Variants in HEXIM2 observed in about 807,000 individuals in gnomAD.
HEXIM2 encodes the protein protein HEXIM2.
For missense variants in HEXIM2, 413 were observed against 390.8 expected, an observed-to-expected ratio of 1.06 and a Z score of -0.48; for synonymous variants, 159 against 162.7, an observed-to-expected ratio of 0.98 and a Z score of 0.17.
At chr17:45,160,736 C>G, upstream of HEXIM2, 1 of 409,668 alleles carries the variant, frequency 2.4e-6, no homozygotes, top group South Asian at 1.8e-5. Flanking sequence ...TGGCGACATG[C>G]TAGGTCAGGT....
In HEXIM2 at chr17:45,169,345, G is replaced by A. The variant is rs957909206; in HGVS notation, c.397G>A (p.Ala133Thr). Residue 133 changes from alanine (A) to threonine (T), a missense_variant, in exon 4 of 4, where the codon GCC becomes ACC. By Grantham distance (58) the Ala-to-Thr change is moderately conservative. Transcript: ENST00000589230. ...RASRVREEMF[A>T]KGQPVAPYNT... Reference sequence around the variant, plus strand: ...CTCCCGGGTCCGCGAAGAGATGTTCGCCAAAGGCCAGCCCGTGGCCCCCTA... The same window carrying A: ...CTCCCGGGTCCGCGAAGAGATGTTCACCAAAGGCCAGCCCGTGGCCCCCTA... The A allele has an allele frequency of 1.2e-6, 2 of 1,613,724 alleles. No individual in the cohort carries two copies.
chr17:45,162,304 G>T (rs1489720234), intron 1 of HEXIM2, among the ~76,000 whole-genome samples, 184 bp from the exon 2 acceptor site: 1 of 152,220 alleles, frequency 6.6e-6, no homozygotes, highest in African/African-American at 2.4e-5. Context: ...GCTGCATCAA[G>T]ATTGGGGCCA....
At chr17:45,165,952 A>G (rs2042832522) in intron 3 of HEXIM2, among the ~76,000 whole-genome samples, 3 of 149,794 alleles carry the variant, frequency 2.0e-5, no homozygotes. Flanking sequence ...GTGCCACCAC[A>G]CCCGGCCAAT....
In HEXIM2 at chr17:45,169,533, GACTTACGAACGCTTCCAC is replaced by G. The variant is rs751729781; in HGVS notation, c.588_605del (p.Tyr197_Thr202del). 2.5e-6 allele frequency: 4 copies of G among 1,587,424 alleles called. No individual in the cohort carries two copies. Among genetic ancestry groups the G allele is most frequent in the Non-Finnish European group, 3.4e-6 (4 of 1,167,416 alleles). On this transcript the variant is annotated inframe_deletion, in exon 4 of 4. Coordinates refer to ENST00000589230, the MANE Select transcript of HEXIM2 (RefSeq NM_001303441.2). Reference sequence around the variant, plus strand: ...AGTTCCAGCGGAAGGACTTCTCTGAGACTTACGAACGCTTCCACACCGAGAGCCTGCAGGGCCGCAGCA... The same window carrying G: ...AGTTCCAGCGGAAGGACTTCTCTGAGACCGAGAGCCTGCAGGGCCGCAGCA...
intron 3 of HEXIM2, among the ~76,000 whole-genome samples, chr17:45,165,732 G>C (rs1356357535): frequency 6.6e-6 from 1 of 151,860 alleles, no homozygotes; most frequent in Non-Finnish European, 1.5e-5. Context: ...CTTCTGCCTG[G>C]AATAAATATG....
At position 45,169,058 on chromosome 17, in the gene HEXIM2, A is replaced by G. The variant is rs1271467660; in HGVS notation, c.110A>G (p.His37Arg). ...AGCCCCCAAACACCCCCTGAGCGTC[A>G]TGACTCTGGTGGTTCCCTGCCCCTG... Reference protein sequence around the residue: ...PGSPQTPPERHDSGGSLPLTP... With the variant: ...PGSPQTPPERRDSGGSLPLTP... The change falls in exon 4 of 4, where the codon CAT (histidine) becomes CGT (arginine). Residue 37 changes from histidine (H) to arginine (R), a missense_variant. His to Arg is a conservative substitution (Grantham distance 29, BLOSUM62 0). Coordinates refer to ENST00000589230, the MANE Select transcript of HEXIM2 (RefSeq NM_001303441.2). The G allele has an allele frequency of 6.2e-7, 1 of 1,613,988 alleles. No individual in the cohort carries two copies.
upstream of HEXIM2, chr17:45,161,104 G>C: frequency 2.0e-6 from 1 of 496,654 alleles, no homozygotes; most frequent in South Asian, 1.6e-5. Context: ...CCTCTGTGCG[G>C]GGCCTCGCCG....
chr17:45,169,955 C>A lies in HEXIM2; in HGVS notation c.*146C>A. Reference sequence around the variant, plus strand: ...AGAACAGCTAAATCGGTTCAGACTCCCACCTCACCGTTTCCATAGTTGGCT... The same window carrying A: ...AGAACAGCTAAATCGGTTCAGACTCACACCTCACCGTTTCCATAGTTGGCT... On this transcript the variant is annotated 3_prime_UTR_variant, in exon 4 of 4. Transcript: ENST00000589230. The A allele has an allele frequency of 1.7e-6, 1 of 573,040 alleles. No individual in the cohort carries two copies. The highest frequency in any genetic ancestry group is 2.8e-6 in the Non-Finnish European group (1 of 353,048). The allele number at this position is 573,040 out of a possible 1,614,324, so 35.5% of individuals were successfully genotyped here.
At chr17:45,160,662 A>G (rs1054906546), upstream of HEXIM2, 14 of 344,100 alleles carry the variant, frequency 4.1e-5, no homozygotes, top group Non-Finnish European at 8.2e-5. Context: ...GCAAAACCTC[A>G]TCCCTTCGGT....
At chr17:45,160,892 G>A (rs1364227698), upstream of HEXIM2, 7 of 1,289,648 alleles carry the variant, frequency 5.4e-6, no homozygotes, top group African/African-American at 1.5e-5. Flanking sequence ...GTTTAAGAGG[G>A]TCGTGGTTTT....
chr17:45,161,284 G>A (rs114218641), upstream of HEXIM2: 1,659 of 318,488 alleles, frequency 5.2e-3, 17 homozygotes, highest in African/African-American at 0.033. Flanking sequence ...TGTGAGAGGC[G>A]AGGCTGCGGG....
intron 3 of HEXIM2, among the ~76,000 whole-genome samples, chr17:45,167,354 C>G (rs1248880305): frequency 6.6e-6 from 1 of 151,924 alleles, no homozygotes. Context: ...GAAAAAAAAG[C>G]CATGCAAATA....
chr17:45,165,335 C>CA (rs1807045299), intron 3 of HEXIM2, among the ~76,000 whole-genome samples: 1 of 152,172 alleles, frequency 6.6e-6, no homozygotes, highest in South Asian at 2.1e-4. Context: ...TCGGGGTCTG[C>CA]AAAACACACA....
intron 3 of HEXIM2, among the ~76,000 whole-genome samples, chr17:45,167,892 G>A (rs999319639): frequency 2.9e-5 from 4 of 138,452 alleles, no homozygotes; most frequent in South Asian, 2.4e-4. Flanking sequence ...CACCTCGCCC[G>A]GCCTGTTTGT....
chr17:45,162,704 C>T (rs753002206), intron 2 of HEXIM2, 46 bp from the exon 3 acceptor site: 16 of 1,604,816 alleles, frequency 1.0e-5, no homozygotes, highest in Non-Finnish European at 1.3e-5. Flanking sequence ...CCAGAGTATT[C>T]CTGACGTTCC....
intron 3 of HEXIM2, among the ~76,000 whole-genome samples, chr17:45,166,463 A>G (rs1361778881): frequency 6.6e-6 from 1 of 152,104 alleles, no homozygotes; most frequent in Non-Finnish European, 1.5e-5. Context: ...GGATCTCCCT[A>G]TCCTATAATC....
Position 45,169,779 on chromosome 17 carries a change from C to T in HEXIM2, c.831C>T (p.Gly277=). The T allele has an allele frequency of 6.9e-7, 1 of 1,451,882 alleles. No homozygotes were observed. 89.9% of individuals were successfully genotyped at this position (1,451,882 alleles called of 1,614,324 possible). A position where few individuals can be genotyped will look rare whatever the true frequency, so the allele number is the denominator to read the frequency against. Residue 277 remains glycine, a synonymous_variant, in exon 4 of 4, where the codon GGC becomes GGT. Coordinates refer to ENST00000589230, the MANE Select transcript of HEXIM2 (RefSeq NM_001303441.2). ...AGAACCAGATGTGGAACCGAGAGGG[C>T]TGCCGCTGTGATGAGGAGCCGGGTA... The part of the protein sequence containing the change: ...RQENQMWNRE[G]CRCDEEPGT
At position 45,162,778 on chromosome 17, in the gene HEXIM2, A is replaced by C; in HGVS notation, c.-16A>C. The C allele has an allele frequency of 6.2e-7, 1 of 1,613,962 alleles. No homozygotes were observed. Among genetic ancestry groups the C allele is most frequent in the Non-Finnish European group, 8.5e-7 (1 of 1,179,972 alleles). ...TCACTAGTTCCAGGCGTCTGCTGAA[A>C]GATTTGGAACAGAAGATGATGGCCA... On this transcript the variant is annotated 5_prime_UTR_variant, in exon 3 of 4. Coordinates refer to ENST00000589230, the MANE Select transcript of HEXIM2 (RefSeq NM_001303441.2).
chr17:45,168,726 A>G (rs1264518413), intron 3 of HEXIM2: 2 of 362,186 alleles, frequency 5.5e-6, no homozygotes, highest in Non-Finnish European at 1.0e-5. Flanking sequence ...TTTGGACAGT[A>G]TTTATGGAAC....
Sources: allele counts gnomAD v4.1 joint callset (sites outside exome capture counted in the v4.1 genomes callset), GRCh38; gene constraint gnomAD v4.1.1; transcripts MANE v1.5; gene names NCBI Gene and HGNC (gene_info 2026-07-23, HGNC 2026-07-21).